The following SMARCA2 variants were observed in gnomAD, a reference collection of about 807,000 sequenced individuals.
The protein encoded by SMARCA2 is SWI/SNF-related matrix-associated actin-dependent regulator of chromatin subfamily A member 2.
Under a neutral mutation model 199.8 loss-of-function variants are expected in SMARCA2, and 61 were observed. The observed-to-expected ratio is 0.31, with a 90% confidence interval of 0.25 to 0.38. SMARCA2 has a LOEUF of 0.38. Among genes scored for constraint, SMARCA2 ranks in the 10% least tolerant of loss-of-function variants. SMARCA2 has a pLI of 1.00. For synonymous variants in SMARCA2, 935 were observed against 732.0 expected (o/e 1.28, Z -4.48); for missense variants, 1,344 against 2,012.2 (o/e 0.67, Z 6.35).
chr9:2,165,372 C>T (rs551158489), intron 28 of SMARCA2, among the ~76,000 whole-genome samples: 84 of 152,164 alleles, frequency 5.5e-4, no homozygotes, highest in African/African-American at 2.0e-3. Context: ...TGTGTGTGTT[C>T]GTTGCTTTTT....
chr9:2,029,197 A>T lies in SMARCA2; in HGVS notation c.175A>T (p.Thr59Ser), dbSNP rs138129490. The change falls in exon 2 of 34, where the codon ACG (threonine) becomes TCG (serine). Residue 59 changes from threonine to serine, a missense_variant. Physicochemically the swap from Thr to Ser is moderately conservative, Grantham distance 58. Transcript: ENST00000349721. ...GPPSVSHPMP[T>S]MGSTDFPQEG... ...TCCAAGTGTCTCCCATCCTATGCCG[A>T]CGATGGGGTCCACAGACTTCCCACA... 228 of 1,613,564 alleles carry T rather than the reference A, an allele frequency of 1.4e-4. No homozygotes were observed. The highest frequency in any genetic ancestry group is 1.9e-4 in the Non-Finnish European group (222 of 1,179,752).
At chr9:2,117,326 G>C (rs1823257143) in intron 25 of SMARCA2, among the ~76,000 whole-genome samples, 1 of 152,006 alleles carries the variant, frequency 6.6e-6, no homozygotes. Context: ...TTTTTGATTA[G>C]CTATCCACTG....
At chr9:2,051,070 C>G (rs74815476) in intron 5 of SMARCA2, among the ~76,000 whole-genome samples, 33 of 152,298 alleles carry the variant, frequency 2.2e-4, no homozygotes, top group African/African-American at 7.7e-4. Flanking sequence ...CCTGCTGAAT[C>G]TCACTGATGG....
At chr9:2,035,317 ACAGG>A (rs1440097422) in intron 3 of SMARCA2, among the ~76,000 whole-genome samples, 1 of 152,124 alleles carries the variant, frequency 6.6e-6, no homozygotes, top group East Asian at 1.9e-4. Context: ...TGCTGGGATT[ACAGG>A]CATGAGCCAC....
At chr9:2,022,400 G>T (rs949108832) in intron 1 of SMARCA2, among the ~76,000 whole-genome samples, 29 of 152,330 alleles carry the variant, frequency 1.9e-4, no homozygotes, top group Admixed American at 1.4e-3. Flanking sequence ...TTGAAACTCA[G>T]AGAGGTTAAA....
intron 32 of SMARCA2, among the ~76,000 whole-genome samples, chr9:2,186,577 C>T (rs1027028639): frequency 5.5e-5 from 8 of 145,002 alleles, no homozygotes; most frequent in Admixed American, 5.4e-4. Flanking sequence ...TAGCTCACTG[C>T]AACCTCCACC....
At chr9:2,167,740 C>T (rs777946594) in intron 28 of SMARCA2, among the ~76,000 whole-genome samples, 5 of 152,186 alleles carry the variant, frequency 3.3e-5, no homozygotes, top group Non-Finnish European at 7.3e-5. Context: ...GAAAATCATT[C>T]ATTCTTTTTA....
At position 2,096,524 on chromosome 9, in the gene SMARCA2, G is replaced by A. The variant is rs935248536; in HGVS notation, c.2884-133G>A. The A allele has an allele frequency of 7.2e-5, 45 of 628,666 alleles. 1 individual carries two copies. The Admixed American group carries it at 9.9e-4, about 14-fold the overall frequency. 38.9% of individuals were successfully genotyped at this position (628,666 alleles called of 1,614,324 possible). A position where few individuals can be genotyped will look rare whatever the true frequency, so the allele number is the denominator to read the frequency against. ...TCTTCTAACACCCCCATCTCACCCC[G>A]CACTCCGTGAATCCAAGAAAGAGAA... On this transcript the variant is annotated intron_variant, in intron 19 of 33. Transcript: ENST00000349721.
intron 22 of SMARCA2, among the ~76,000 whole-genome samples, chr9:2,102,464 A>G (rs149922445): frequency 3.2e-4 from 49 of 152,334 alleles, no homozygotes; most frequent in African/African-American, 1.1e-3. Context: ...TCTGTTAGAA[A>G]TAACATATCC....
intron 16 of SMARCA2, 131 bp from the exon 17 acceptor site, chr9:2,083,955 A>T (rs1258686008): frequency 1.0e-5 from 6 of 579,546 alleles, no homozygotes; most frequent in Non-Finnish European, 1.8e-5. Flanking sequence ...TGTATAATAG[A>T]TCAGTCTATG....
Position 2,061,006 on chromosome 9 carries a change from T to C in SMARCA2, c.1692+20T>C, listed in dbSNP as rs766919580. ...AAGAAGGTGCGTATCCTAGTGGTGGTGGCTGAGTCCAGGGTGTATGGGCAG... is the reference window on the plus strand; with the variant it reads ...AAGAAGGTGCGTATCCTAGTGGTGGCGGCTGAGTCCAGGGTGTATGGGCAG... On this transcript the variant is annotated intron_variant, in intron 9 of 33. Transcript: ENST00000349721. The C allele has an allele frequency of 6.2e-6, 10 of 1,610,544 alleles. No homozygotes were observed. Among genetic ancestry groups the C allele is most frequent in the African/African-American group, 1.3e-5 (1 of 74,858 alleles).
At chr9:2,188,594 C>A (rs973819620) in intron 32 of SMARCA2, among the ~76,000 whole-genome samples, 2 of 152,258 alleles carry the variant, frequency 1.3e-5, no homozygotes, top group Middle Eastern at 3.4e-3. Flanking sequence ...CTGCTCTCTT[C>A]CCCCATCCAT....
rs959360855 is a variant in SMARCA2 at position 2,119,061 on chromosome 9, A to G, written c.3685-397A>G. Among the ~76,000 whole-genome samples, 3 of 152,214 alleles carry G rather than the reference A, an allele frequency of 2.0e-5. No homozygotes were observed. The highest frequency in any genetic ancestry group is 7.2e-5 in the African/African-American group (3 of 41,434). ...ATTTGGCATAAGGTAAATGGAATTA[A>G]AAGAATTAATGTTAGGTACTTTTTC... On this transcript the variant is annotated intron_variant, in intron 25 of 33. Coordinates refer to ENST00000349721, the MANE Select transcript of SMARCA2 (RefSeq NM_003070.5). The surrounding 1 kb of genome is among the most constrained non-coding windows in gnomAD (Gnocchi z 4.6).
chr9:2,124,259 G>A (rs1397892498), intron 27 of SMARCA2, among the ~76,000 whole-genome samples: 1 of 152,188 alleles, frequency 6.6e-6, no homozygotes. Flanking sequence ...CAATTGCCTG[G>A]TCATGCCTCA....
chr9:2,193,001 A>T lies in SMARCA2; in HGVS notation c.*262A>T. Reference sequence around the variant, plus strand: ...AAACAAAAAGCTTTTGATGGAAAATATGTGGGTGGATAGTATATTTCTATG... The same window carrying T: ...AAACAAAAAGCTTTTGATGGAAAATTTGTGGGTGGATAGTATATTTCTATG... On this transcript the variant is annotated 3_prime_UTR_variant, in exon 34 of 34. Transcript: ENST00000349721. The T allele has an allele frequency of 2.3e-6, 1 of 443,548 alleles. No homozygotes were observed. Among genetic ancestry groups the T allele is most frequent in the Non-Finnish European group, 4.0e-6 (1 of 251,308 alleles). The allele number at this position is 443,548 out of a possible 1,614,324, so 27.5% of individuals were successfully genotyped here. A position where few individuals can be genotyped will look rare whatever the true frequency, so the allele number is the denominator to read the frequency against.
chr9:2,060,697 T>C, intron 8 of SMARCA2, 119 bp from the exon 9 acceptor site: 1 of 859,706 alleles, frequency 1.2e-6, no homozygotes, highest in Non-Finnish European at 1.8e-6. Context: ...GCCCAACTCA[T>C]CCAGTTTGCT....
chr9:2,073,400 T>C, intron 11 of SMARCA2, 58 bp downstream of exon 11: 1 of 1,603,206 alleles, frequency 6.2e-7, no homozygotes, highest in African/African-American at 1.3e-5. Context: ...TTTGGTAATC[T>C]TGTACGATCT....
At chr9:2,155,899 A>G (rs1825336155) in intron 27 of SMARCA2, among the ~76,000 whole-genome samples, 1 of 151,946 alleles carries the variant, frequency 6.6e-6, no homozygotes, top group African/African-American at 2.4e-5. Context: ...CTGGGAGTGC[A>G]GTTGGCATCC....
At chr9:2,186,683 G>T (rs369510429) in intron 32 of SMARCA2, among the ~76,000 whole-genome samples, 1 of 151,944 alleles carries the variant, frequency 6.6e-6, no homozygotes, top group Non-Finnish European at 1.5e-5. Context: ...GTGCCACCAC[G>T]CCCGGCTAAT....
Sources: allele counts gnomAD v4.1 joint callset (sites outside exome capture counted in the v4.1 genomes callset), GRCh38; gene constraint gnomAD v4.1.1; non-coding constraint Gnocchi (gnomAD v3.1); transcripts MANE v1.5; gene names NCBI Gene and HGNC (gene_info 2026-07-23, HGNC 2026-07-21).